The following FMN2 variants were observed in gnomAD, a reference collection of about 807,000 sequenced individuals.
The protein encoded by FMN2 is formin-2.
FMN2 carries 51 observed loss-of-function variants against 142.3 expected under a neutral mutation model. The ratio of observed to expected loss-of-function variants is 0.36; its 90% CI spans 0.29 to 0.45. The LOEUF is 0.45. Ranked by LOEUF, FMN2 falls within the 20% of genes least tolerant of loss-of-function variation. The probability of loss-of-function intolerance (pLI) is 1.00; values close to 1 mark genes in which losing one functional copy is unlikely to be tolerated. For missense variants in FMN2, 1,936 were observed against 2,122.8 expected (o/e 0.91, Z 1.73); for synonymous variants, 882 against 869.8 (o/e 1.01, Z -0.25).
chr1:240,349,940 T>C (rs1226821667), intron 13 of FMN2, among the ~76,000 whole-genome samples: 2 of 141,920 alleles, frequency 1.4e-5, no homozygotes, highest in African/African-American at 5.5e-5. Context: ...GTTTGTGAGA[T>C]TGTAGTGTTC....
chr1:240,383,549 C>T (rs181566001), intron 14 of FMN2, among the ~76,000 whole-genome samples: 63 of 152,282 alleles, frequency 4.1e-4, no homozygotes, highest in African/African-American at 1.3e-3. Context: ...GGGATACCAT[C>T]TTTCAACAGT....
chr1:240,472,673 G>A (rs575566848), intron 17 of FMN2, among the ~76,000 whole-genome samples: 1 of 152,206 alleles, frequency 6.6e-6, no homozygotes, highest in South Asian at 2.1e-4. Context: ...TGGGCTGGGG[G>A]TGGTGGCTCA....
rs1009280519 is a variant in FMN2 at position 240,180,187 on chromosome 1, AG to A, written c.1930+2120del. ...CTTGAAGAGGATGATGGAGGTAAGA[AG>A]TAATTTAACTTAGTGACTTATTTTT... On this transcript the variant is annotated intron_variant, in intron 3 of 17. Coordinates refer to ENST00000319653, the MANE Select transcript of FMN2 (RefSeq NM_020066.5). 2.3e-6 allele frequency: 3 copies of A among 1,280,622 alleles called. No individual in the cohort carries two copies. In the African/African-American group the frequency reaches 4.6e-5, roughly 20 times the overall value. The allele number at this position is 1,280,622 out of a possible 1,614,324, so 79.3% of individuals were successfully genotyped here. A position where few individuals can be genotyped will look rare whatever the true frequency, so the allele number is the denominator to read the frequency against.
chr1:240,394,029 A>G (rs1292710425), intron 15 of FMN2, among the ~76,000 whole-genome samples: 2 of 152,184 alleles, frequency 1.3e-5, no homozygotes, highest in Admixed American at 1.3e-4. Context: ...ATAGCAGGGA[A>G]GAAATGTAAC....
At chr1:240,277,045 G>A (rs1669239212) in intron 7 of FMN2, among the ~76,000 whole-genome samples, 2 of 152,142 alleles carry the variant, frequency 1.3e-5, no homozygotes, top group Admixed American at 6.5e-5. Context: ...CCTGTTAAAT[G>A]TTTCTTCCAT....
chr1:240,371,536 A>G (rs1208536054), intron 14 of FMN2, among the ~76,000 whole-genome samples: 2 of 152,200 alleles, frequency 1.3e-5, no homozygotes, highest in Non-Finnish European at 2.9e-5. Flanking sequence ...TTAAAATTTT[A>G]AACCTTTTTT....
chr1:240,156,199 A>G (rs978162727), intron 2 of FMN2, among the ~76,000 whole-genome samples: 22 of 152,264 alleles, frequency 1.4e-4, no homozygotes, highest in African/African-American at 4.6e-4. Context: ...GAAGTGTGCT[A>G]TGATTGCACC....
At chr1:240,119,572 C>T (rs1662156052) in intron 1 of FMN2, among the ~76,000 whole-genome samples, 1 of 152,106 alleles carries the variant, frequency 6.6e-6, no homozygotes, top group Non-Finnish European at 1.5e-5. Context: ...GTAGTAATGG[C>T]CAAGGATGCT....
At chr1:240,352,733 A>G (rs962756021) in intron 13 of FMN2, among the ~76,000 whole-genome samples, 1 of 152,342 alleles carries the variant, frequency 6.6e-6, no homozygotes, top group South Asian at 2.1e-4. Flanking sequence ...TATATTCAGT[A>G]TCCTTACACA....
chr1:240,252,952 A>ATTTTTTTTTTTTTTTTTT (rs1572118578), intron 6 of FMN2, among the ~76,000 whole-genome samples: 2 of 33,882 alleles, frequency 5.9e-5, no homozygotes, highest in African/African-American at 3.8e-4. Context: ...AGTCTTGTTC[A>ATTTTTTTTTTTTTTTTTT]CTTTTTTTTT....
intron 8 of FMN2, among the ~76,000 whole-genome samples, chr1:240,308,986 A>G (rs953729437): frequency 1.3e-5 from 2 of 152,180 alleles, no homozygotes; most frequent in African/African-American, 4.8e-5. Context: ...TGATATGCAG[A>G]CACAGGGGTC....
intron 6 of FMN2, among the ~76,000 whole-genome samples, chr1:240,228,710 A>G (rs1667433636): frequency 6.6e-6 from 1 of 152,130 alleles, no homozygotes; most frequent in Non-Finnish European, 1.5e-5. Flanking sequence ...AGCACTTGTT[A>G]CCCATAGAAT....
intron 15 of FMN2, among the ~76,000 whole-genome samples, chr1:240,415,484 T>G (rs1303035462): frequency 1.3e-5 from 2 of 151,736 alleles, no homozygotes; most frequent in Admixed American, 1.3e-4. Context: ...TGTATACCTA[T>G]GTAACCTGCA....
chr1:240,419,518 G>A (rs1674693447), intron 15 of FMN2, among the ~76,000 whole-genome samples: 1 of 152,116 alleles, frequency 6.6e-6, no homozygotes, highest in Admixed American at 6.5e-5. Context: ...ACTTTTGCCA[G>A]GATTCCATTA....
intron 2 of FMN2, among the ~76,000 whole-genome samples, chr1:240,167,798 T>C (rs1397194299): frequency 6.6e-6 from 1 of 152,154 alleles, no homozygotes; most frequent in Non-Finnish European, 1.5e-5. Context: ...GAAAATAGGC[T>C]GGGCACGGTG....
chr1:240,136,795 T>A (rs114136203), intron 2 of FMN2, among the ~76,000 whole-genome samples: 4 of 152,046 alleles, frequency 2.6e-5, no homozygotes, highest in African/African-American at 9.7e-5. Flanking sequence ...GAATCTGGCC[T>A]GGTGCGGTGG....
chr1:240,421,349 A>G (rs1436266364), intron 15 of FMN2, among the ~76,000 whole-genome samples: 1 of 152,144 alleles, frequency 6.6e-6, no homozygotes, highest in African/African-American at 2.4e-5. Context: ...AACAATATTT[A>G]TTTAACATCT....
intron 6 of FMN2, among the ~76,000 whole-genome samples, chr1:240,251,594 A>G (rs1668280142): frequency 6.6e-6 from 1 of 152,196 alleles, no homozygotes; most frequent in African/African-American, 2.4e-5. Flanking sequence ...CATTTGGTCT[A>G]AAGTTCAGTT....
rs1418403986 is a variant in FMN2, at chr1:240,092,967, GC to G, written c.862del (p.Arg288GlyfsTer164). On this transcript the variant is annotated frameshift_variant, in exon 1 of 18. Transcript: ENST00000319653. LOFTEE classifies it high-confidence loss of function. ...SDLPESLAAE[P>X]REPQQPPSPG... The stretch of plus-strand genomic sequence containing the variant: ...ACCTGCCCGAGAGCCTGGCCGCCGA[GC>G]CCCGGGAGCCCCAGCAACCGCCGTC... 1.4e-6 allele frequency: 2 copies of G among 1,408,284 alleles called. No individual in the cohort carries two copies. The highest frequency in any genetic ancestry group is 1.5e-5 in the South Asian group (1 of 64,970). 87.2% of individuals were successfully genotyped at this position (1,408,284 alleles called of 1,614,324 possible). A position where few individuals can be genotyped will look rare whatever the true frequency, so the allele number is the denominator to read the frequency against.
Sources: allele counts gnomAD v4.1 joint callset (sites outside exome capture counted in the v4.1 genomes callset), GRCh38; gene constraint gnomAD v4.1.1; transcripts MANE v1.5; gene names NCBI Gene and HGNC (gene_info 2026-07-23, HGNC 2026-07-21).